Variants in RABGAP1 observed in about 807,000 individuals in gnomAD.
RABGAP1 encodes the protein rab GTPase-activating protein 1.
Under a neutral mutation model 137.6 loss-of-function variants are expected in RABGAP1, and 23 were observed. That is an observed-to-expected ratio of 0.17 (90% CI 0.12 to 0.24). RABGAP1 has a LOEUF of 0.24. Ranked by LOEUF, RABGAP1 falls within the 10% of genes least tolerant of loss-of-function variation. The pLI is 1.00. For missense variants in RABGAP1, 906 were observed against 1,275.8 expected (o/e 0.71, Z 4.42); for synonymous variants, 451 against 450.7 (o/e 1.00, Z -0.01).
intron 24 of RABGAP1, 24 bp downstream of exon 24, chr9:123,099,573 G>T: frequency 6.4e-7 from 1 of 1,562,060 alleles, no homozygotes; most frequent in South Asian, 1.1e-5. Context: ...TTACCTAAAA[G>T]ATTTTATACC....
At chr9:123,012,664 A>G (rs940560175) in intron 11 of RABGAP1, among the ~76,000 whole-genome samples, 2 of 152,246 alleles carry the variant, frequency 1.3e-5, no homozygotes, top group Non-Finnish European at 2.9e-5. Flanking sequence ...ACTAGAACAT[A>G]AGCTCTGTGA....
At chr9:122,998,827 C>A in intron 10 of RABGAP1, 61 bp downstream of exon 10, 1 of 1,130,810 alleles carries the variant, frequency 8.8e-7, no homozygotes, top group Non-Finnish European at 1.2e-6. Context: ...ACGTCTGAGG[C>A]TGATTTCTAA....
At chr9:123,095,643 G>A (rs2035160660) in intron 21 of RABGAP1, among the ~76,000 whole-genome samples, 1 of 151,866 alleles carries the variant, frequency 6.6e-6, no homozygotes, top group African/African-American at 2.4e-5. Flanking sequence ...TCAAGGTTAT[G>A]GTGAGCTATG....
intron 4 of RABGAP1, among the ~76,000 whole-genome samples, chr9:122,988,094 T>C (rs1400779691): frequency 6.6e-6 from 1 of 152,236 alleles, no homozygotes; most frequent in Admixed American, 6.5e-5. Flanking sequence ...TAATAAAATG[T>C]GTTTAGCACT....
At chr9:122,960,952 C>T (rs113066654) in intron 2 of RABGAP1, among the ~76,000 whole-genome samples, 48 of 151,856 alleles carry the variant, frequency 3.2e-4, no homozygotes, top group Non-Finnish European at 6.0e-4. Context: ...ATGAACTTGA[C>T]GATAGATCAG....
intron 2 of RABGAP1, among the ~76,000 whole-genome samples, chr9:122,970,271 T>C (rs1054616050): frequency 2.6e-5 from 4 of 152,000 alleles, no homozygotes; most frequent in African/African-American, 9.7e-5. Flanking sequence ...GACATAAACA[T>C]AAAAGTGGAA....
At chr9:123,008,961 T>G (rs2030556262) in intron 10 of RABGAP1, among the ~76,000 whole-genome samples, 1 of 152,236 alleles carries the variant, frequency 6.6e-6, no homozygotes, top group Non-Finnish European at 1.5e-5. Context: ...ACATGTAACT[T>G]CAGAGTCTGA....
In RABGAP1 at chr9:123,006,571, A is replaced by C. The variant is rs1588257224; in HGVS notation, c.1375-3783A>C. On this transcript the variant is annotated intron_variant, in intron 10 of 25. Transcript: ENST00000373647. ...TATTCTGTTCCTCTGGTCTTGCATT[A>C]GAATCACACGGTTGTAATTATGTAG... Among the ~76,000 whole-genome samples, 3 of 152,148 alleles carry C rather than the reference A, an allele frequency of 2.0e-5. No homozygotes were observed. In the East Asian group the frequency reaches 5.8e-4, roughly 29 times the overall value.
the RABGAP1 span, among the ~76,000 whole-genome samples, chr9:122,932,269 T>C: frequency 6.6e-6 from 1 of 152,214 alleles, no homozygotes; most frequent in Non-Finnish European, 1.5e-5. Flanking sequence ...TAATGTTTAT[T>C]ACTTTAATCA....
chr9:123,090,443 A>G, intron 21 of RABGAP1, 58 bp downstream of exon 21: 2 of 1,363,066 alleles, frequency 1.5e-6, no homozygotes, highest in Non-Finnish European at 2.0e-6. Flanking sequence ...TTTTCCCCTC[A>G]AGAGAAATCC....
chr9:122,947,649 T>C (rs1385137323), intron 1 of RABGAP1, among the ~76,000 whole-genome samples: 2 of 152,238 alleles, frequency 1.3e-5, no homozygotes, highest in Non-Finnish European at 2.9e-5. Context: ...ATTGTCACAG[T>C]TACGGTAGGC....
intron 21 of RABGAP1, among the ~76,000 whole-genome samples, chr9:123,093,155 T>G (rs887233707): frequency 6.6e-6 from 1 of 152,200 alleles, no homozygotes; most frequent in Non-Finnish European, 1.5e-5. Flanking sequence ...TTCCTGCATC[T>G]CAGAGAAAAG....
At position 123,089,763 on chromosome 9, in the gene RABGAP1, T is replaced by G. The variant is rs753370382; in HGVS notation, c.2430T>G (p.Ser810Arg). The change falls in exon 20 of 26, where the codon AGT becomes AGG. Residue 810 changes from serine (S) to arginine (R), a missense_variant. By Grantham distance (110) the Ser-to-Arg change is moderately radical. This residue lies in a region of RABGAP1 where 77 missense variants were observed against 105.6 expected (regional missense o/e 0.73). Transcript: ENST00000373647. ...CCCTATGATTTATCCTACAGATTAG[T>G]CAGAAGAAGTTGAAAAAATACGAGA... ...LMELACNMKI[S>R]QKKLKKYEKE... The G allele has an allele frequency of 6.2e-7, 1 of 1,611,398 alleles. No homozygotes were observed. The highest frequency in any genetic ancestry group is 8.5e-7 in the Non-Finnish European group (1 of 1,178,156).
chr9:123,062,819 C>T (rs911264951), intron 13 of RABGAP1: 3 of 151,976 alleles, frequency 2.0e-5, no homozygotes, highest in Non-Finnish European at 4.4e-5. Flanking sequence ...AGACAGGTCT[C>T]GCTGTGTCGC....
intron 10 of RABGAP1, among the ~76,000 whole-genome samples, chr9:123,002,088 G>A (rs993782649): frequency 6.6e-5 from 10 of 152,092 alleles, no homozygotes; most frequent in Non-Finnish European, 1.3e-4. Context: ...GATCACCTGA[G>A]GTTGGGAGTT....
At chr9:123,027,422 T>C (rs539338060) in intron 13 of RABGAP1, among the ~76,000 whole-genome samples, 23 of 152,194 alleles carry the variant, frequency 1.5e-4, no homozygotes, top group South Asian at 4.1e-4. Flanking sequence ...CCAACCAATA[T>C]TTACATTTCT....
At chr9:123,014,224 A>C (rs1194029102) in intron 11 of RABGAP1, among the ~76,000 whole-genome samples, 1 of 152,206 alleles carries the variant, frequency 6.6e-6, no homozygotes, top group African/African-American at 2.4e-5. Flanking sequence ...AGTTCCTCTC[A>C]TGCCTTGATC....
At chr9:122,991,010 G>GT (rs1420082563) in intron 6 of RABGAP1, among the ~76,000 whole-genome samples, 4 of 151,046 alleles carry the variant, frequency 2.6e-5, no homozygotes, top group Non-Finnish European at 5.9e-5. Context: ...TAAGGTCTGT[G>GT]TCTGAAGTCT....
chr9:123,087,532 T>C (rs2034906001), intron 19 of RABGAP1, among the ~76,000 whole-genome samples: 1 of 152,230 alleles, frequency 6.6e-6, no homozygotes. Context: ...ACTTAGGTGC[T>C]TTCTTTGTGA....
Sources: allele counts gnomAD v4.1 joint callset (sites outside exome capture counted in the v4.1 genomes callset), GRCh38; gene constraint gnomAD v4.1.1; regional missense constraint gnomAD v4.1.1; transcripts MANE v1.5; gene names NCBI Gene and HGNC (gene_info 2026-07-23, HGNC 2026-07-21).